The following NDRG2 variants were observed in gnomAD, a reference collection of about 807,000 sequenced individuals.
NDRG2 encodes the protein protein NDRG2.
NDRG2 carries 34 observed loss-of-function variants against 58.2 expected under a neutral mutation model. The observed-to-expected ratio is 0.58, with a 90% confidence interval of 0.44 to 0.78. The LOEUF is 0.78. Among genes scored for constraint, NDRG2 ranks in the 30% least tolerant of loss-of-function variants. The pLI is 0.00. For missense variants in NDRG2, 434 were observed against 471.2 expected (o/e 0.92, Z 0.73); for synonymous variants, 187 against 175.9 (o/e 1.06, Z -0.50).
intron 1 of NDRG2, among the ~76,000 whole-genome samples, chr14:21,042,611 C>A (rs1047370132): frequency 4.0e-5 from 6 of 150,852 alleles, no homozygotes; most frequent in African/African-American, 1.5e-4. Flanking sequence ...GGGATGGAGG[C>A]AAAAAATGAA....
At chr14:21,032,676 C>T (rs1884306541) in intron 1 of NDRG2, 1 of 345,150 alleles carries the variant, frequency 2.9e-6, no homozygotes, top group Non-Finnish European at 5.6e-6. Context: ...TCACCTCCAT[C>T]ATGGGGCACA....
At position 21,053,312 on chromosome 14, in the gene NDRG2, T is replaced by C. The variant is rs991412799; in HGVS notation, c.24+17516A>G. On this transcript the variant is annotated intron_variant, in intron 1 of 14. Coordinates refer to the NDRG2 transcript ENST00000403829. ...AGTGCTGGCAACGTGGCAAAACCCATCTCTACAAAAAATAGAAAAATTAGC... is the reference window on the plus strand; with the variant it reads ...AGTGCTGGCAACGTGGCAAAACCCACCTCTACAAAAAATAGAAAAATTAGC... 3.9e-5 allele frequency among the ~76,000 whole-genome samples: 6 copies of C among 152,036 alleles called. No individual in the cohort carries two copies. In the South Asian group the frequency reaches 1.3e-3, roughly 32 times the overall value.
chr14:21,061,426 C>T lies in NDRG2; in HGVS notation c.24+9402G>A, dbSNP rs545513516. 4.7e-4 allele frequency among the ~76,000 whole-genome samples: 72 copies of T among 152,142 alleles called. 1 individual carries two copies. The highest frequency in any genetic ancestry group is 1.6e-3 in the African/African-American group (68 of 41,484). On this transcript the variant is annotated intron_variant, in intron 1 of 14. Transcript: ENST00000403829. ...TTGTGTAGGCTGAAGAATTAGATGG[C>T]GTGTAACTGGAATCTAGGGGTCATG...
chr14:21,053,298 C>T (rs114482382), intron 1 of NDRG2, among the ~76,000 whole-genome samples: 1,651 of 152,108 alleles, frequency 0.011, 26 homozygotes, highest in African/African-American at 0.037. Context: ...GTGCTGGCAA[C>T]GTGGCAAAAC....
rs148314716 is a variant in NDRG2, at chr14:21,061,547, C to T, written c.24+9281G>A. ...GGACCACAGAAGAGCTGCCCAATAG[C>T]CTTGGGACCGAATCTCTACTGGGTG... On this transcript the variant is annotated intron_variant, in intron 1 of 14. Coordinates refer to the NDRG2 transcript ENST00000403829. 7.3e-3 allele frequency among the ~76,000 whole-genome samples: 1,107 copies of T among 152,174 alleles called. 12 individuals are homozygous for T. Among genetic ancestry groups the T allele is most frequent in the African/African-American group, 0.025 (1,050 of 41,484 alleles).
chr14:21,066,344 G>A lies in NDRG2; in HGVS notation c.24+4484C>T, dbSNP rs561567403. On this transcript the variant is annotated intron_variant, in intron 1 of 14. Coordinates refer to the NDRG2 transcript ENST00000403829. ...TTTTTTGTTTTTTTTTTTTGGAGAC[G>A]GAGTCTCACTTTGTCGCCAGGCTGG... Among the ~76,000 whole-genome samples the A allele has an allele frequency of 3.3e-5, 5 of 150,076 alleles. No homozygotes were observed. In the South Asian group the frequency reaches 8.4e-4, roughly 25 times the overall value.
rs1028802204 is a variant in NDRG2, at chr14:21,017,501, C to A, written c.*95G>T. On this transcript the variant is annotated 3_prime_UTR_variant, in exon 16 of 16. Transcript: ENST00000556147. Reference sequence around the variant, plus strand: ...CTCCCCGCATGATCTGCCCTTTTTCCCTTGCTTACGGTGGCCCAATGCCCC... The same window carrying A: ...CTCCCCGCATGATCTGCCCTTTTTCACTTGCTTACGGTGGCCCAATGCCCC... The A allele has an allele frequency of 1.2e-5, 17 of 1,382,194 alleles. No individual in the cohort carries two copies. Among genetic ancestry groups the A allele is most frequent in the Middle Eastern group, 2.5e-4 (1 of 3,988 alleles). The allele number at this position is 1,382,194 out of a possible 1,614,324, so 85.6% of individuals were successfully genotyped here. A position where few individuals can be genotyped will look rare whatever the true frequency, so the allele number is the denominator to read the frequency against.
intron 1 of NDRG2, chr14:21,033,303 G>A: frequency 3.2e-6 from 1 of 311,716 alleles, no homozygotes; most frequent in Non-Finnish European, 6.2e-6. Context: ...GGGAAGTGAG[G>A]CTAACATGAG....
In NDRG2 at chr14:21,019,648, C is replaced by T. The variant is rs566343334; in HGVS notation, c.707G>A (p.Ser236Asn). Residue 236 changes from serine to asparagine, a missense_variant, in exon 10 of 16, where the codon AGC becomes AAC. Coordinates refer to ENST00000556147, the MANE Select transcript of NDRG2 (RefSeq NM_001320329.2). ...CACACAGCCCACCCACTTGTTGTAG[C>T]TGTTCCAGTACAATTCAATGTTATC... Reference protein sequence around the residue: ...NLDNIELYWNSYNNRRDLNFE... With the variant: ...NLDNIELYWNNYNNRRDLNFE... 2.5e-5 allele frequency: 40 copies of T among 1,609,644 alleles called. No individual in the cohort carries two copies. The South Asian group carries it at 3.6e-4, about 15-fold the overall frequency.
upstream of NDRG2, among the ~76,000 whole-genome samples, chr14:21,028,744 ATTAGAT>A (rs1566484627): frequency 2.0e-5 from 3 of 152,220 alleles, no homozygotes; most frequent in Non-Finnish European, 4.4e-5. Context: ...GGAGTGAAGA[ATTAGAT>A]TTAGAAAAGA....
intron 1 of NDRG2, among the ~76,000 whole-genome samples, chr14:21,056,172 G>A (rs1885666732): frequency 6.6e-6 from 1 of 152,120 alleles, no homozygotes; most frequent in African/African-American, 2.4e-5. Context: ...AAATCCCAGA[G>A]GTTGAGAGAC....
chr14:21,054,335 T>TACACACAC (rs3061929), intron 1 of NDRG2, among the ~76,000 whole-genome samples: 10 of 149,912 alleles, frequency 6.7e-5, no homozygotes, highest in African/African-American at 2.5e-4. Context: ...AAAGAGATAA[T>TACACACAC]ACACACACAC....
rs1885239946 is a variant in NDRG2, at chr14:21,047,459, C to T, written c.24+23369G>A. On this transcript the variant is annotated intron_variant, in intron 1 of 14. Coordinates refer to the NDRG2 transcript ENST00000403829. ...TTGATCACAGCCAAGTTAAAGGATG[C>T]CAGGAATAGTGATGAAATAGGAATT... is the stretch of plus-strand genomic sequence containing the variant. Among the ~76,000 whole-genome samples, 4 of 152,098 alleles carry T rather than the reference C, an allele frequency of 2.6e-5. No individual in the cohort carries two copies. In the South Asian group the frequency reaches 8.3e-4, roughly 31 times the overall value.
chr14:21,057,724 T>C (rs12434982), intron 1 of NDRG2: 100,328 of 602,244 alleles, frequency 0.17, 9,102 homozygotes, highest in Admixed American at 0.26. Context: ...CATTATCTGC[T>C]GGTACTAAAC....
chr14:21,047,120 T>A (rs1427301751), intron 1 of NDRG2, among the ~76,000 whole-genome samples: 1 of 152,250 alleles, frequency 6.6e-6, no homozygotes, highest in African/African-American at 2.4e-5. Flanking sequence ...ACTAATTTCC[T>A]ATTTTTTAAC....
At position 21,017,735 on chromosome 14, in the gene NDRG2, G is replaced by T; in HGVS notation, c.977C>A (p.Ser326Tyr). The change falls in exon 16 of 16, where the codon TCC becomes TAC. Residue 326 changes from serine to tyrosine, a missense_variant. Physicochemically the swap from Ser to Tyr is moderately radical, Grantham distance 144 (BLOSUM62 -2). Transcript: ENST00000556147. ...YMASSCMTRL[S>Y]RSRTASLTSA... is the part of the protein sequence containing the mutation. ...GGTCAGAGAGGCTGTACGAGACCGG[G>T]ACAGGCGAGTCATGCAGGATGAGGC... 6.2e-7 allele frequency: 1 copy of T among 1,602,070 alleles called. No individual in the cohort carries two copies. Among genetic ancestry groups the T allele is most frequent in the Non-Finnish European group, 8.5e-7 (1 of 1,174,062 alleles).
intron 1 of NDRG2, among the ~76,000 whole-genome samples, chr14:21,054,744 T>A (rs1290203632): frequency 6.6e-6 from 1 of 152,216 alleles, no homozygotes; most frequent in Non-Finnish European, 1.5e-5. Context: ...TTAGTTTCCT[T>A]TTCTGTAAAA....
chr14:21,046,098 A>C (rs1382773754), intron 1 of NDRG2, among the ~76,000 whole-genome samples: 1 of 152,254 alleles, frequency 6.6e-6, no homozygotes, highest in African/African-American at 2.4e-5. Flanking sequence ...ATAAATCATA[A>C]TACACCAATC....
chr14:21,034,072 A>G, intron 1 of NDRG2: 1 of 1,614,162 alleles, frequency 6.2e-7, no homozygotes, highest in Non-Finnish European at 8.5e-7. Flanking sequence ...TGTATCACAT[A>G]ATGGATCTTT....
Sources: allele counts gnomAD v4.1 joint callset (sites outside exome capture counted in the v4.1 genomes callset), GRCh38; gene constraint gnomAD v4.1.1; transcripts MANE v1.5; gene names NCBI Gene and HGNC (gene_info 2026-07-23, HGNC 2026-07-21).